The following GRIA2 variants were observed in gnomAD, a reference collection of about 807,000 sequenced individuals.
The protein encoded by GRIA2 is glutamate ionotropic receptor AMPA type subunit 2, also known as glutamate receptor 2.
A neutral mutation model predicts 97.3 loss-of-function variants in GRIA2; 14 were observed. The observed-to-expected ratio is 0.14, with a 90% CI of 0.10 to 0.23. GRIA2 has a LOEUF of 0.23. Ranked by LOEUF, GRIA2 falls within the 10% of genes least tolerant of loss-of-function variation. GRIA2 has a pLI of 1.00. For missense variants in GRIA2, 558 were observed against 1,069.8 expected (o/e 0.52, Z 6.67); for synonymous variants, 412 against 387.8 (o/e 1.06, Z -0.73).
chr4:157,288,200 G>T (rs370982875), intron 2 of GRIA2, among the ~76,000 whole-genome samples: 45 of 151,680 alleles, frequency 3.0e-4, no homozygotes, highest in African/African-American at 9.4e-4. Flanking sequence ...AATGGTGCAA[G>T]GAGTCACCAA....
intron 2 of GRIA2, among the ~76,000 whole-genome samples, chr4:157,285,787 A>T (rs759012087): frequency 6.6e-6 from 1 of 151,508 alleles, no homozygotes; most frequent in Admixed American, 6.6e-5. Flanking sequence ...TAAAAGTTCA[A>T]TTCATTATTT....
chr4:157,243,121 G>A (rs1336076035), intron 2 of GRIA2, among the ~76,000 whole-genome samples: 1 of 152,096 alleles, frequency 6.6e-6, no homozygotes, highest in East Asian at 1.9e-4. Context: ...AGCTGGAGAT[G>A]TGAGCTGGGT....
chr4:157,292,268 A>G (rs1234860547), intron 2 of GRIA2, among the ~76,000 whole-genome samples: 1 of 152,118 alleles, frequency 6.6e-6, no homozygotes, highest in Admixed American at 6.6e-5. Context: ...GCAACGTAGC[A>G]TAAGATAAAT....
intron 12 of GRIA2, among the ~76,000 whole-genome samples, chr4:157,349,381 T>G (rs1008696748): frequency 2.7e-5 from 4 of 150,698 alleles, no homozygotes; most frequent in African/African-American, 7.3e-5. Flanking sequence ...TTCAGTGCTG[T>G]TTTTTTTTCA....
Position 157,293,459 on chromosome 4 carries a change from CT to C in GRIA2, c.230-10091del, listed in dbSNP as rs2126841232. ...CACAAGATAATTGTTCTGTGGTGTC[CT>C]TAATCAAAAACATAACAAAACCAGA... On this transcript the variant is annotated intron_variant, in intron 2 of 15. Transcript: ENST00000264426. 1.3e-5 allele frequency among the ~76,000 whole-genome samples: 2 copies of C among 152,194 alleles called. 1 individual carries two copies. Among genetic ancestry groups the C allele is most frequent in the South Asian group, 4.2e-4 (2 of 4,812 alleles).
chr4:157,288,919 C>T (rs947185877), intron 2 of GRIA2, among the ~76,000 whole-genome samples: 10 of 151,808 alleles, frequency 6.6e-5, no homozygotes, highest in South Asian at 4.2e-4. Context: ...AAACATTGAG[C>T]GGAAACAGAA....
chr4:157,248,519 A>G (rs549514987), intron 2 of GRIA2, among the ~76,000 whole-genome samples: 70 of 135,832 alleles, frequency 5.2e-4, no homozygotes, highest in Middle Eastern at 4.0e-3. Context: ...GTGAGCCTAT[A>G]TATATATGTG....
At chr4:157,235,686 T>C (rs1029816694) in intron 2 of GRIA2, among the ~76,000 whole-genome samples, 2 of 152,086 alleles carry the variant, frequency 1.3e-5, no homozygotes, top group South Asian at 4.1e-4. Context: ...TTAAAAAGTT[T>C]CAATTTTTCG....
chr4:157,336,613 C>T lies in GRIA2; in HGVS notation c.1710C>T (p.Tyr570=), dbSNP rs538981621. The T allele has an allele frequency of 1.5e-5, 25 of 1,613,384 alleles. No homozygotes were observed. Among genetic ancestry groups the T allele is most frequent in the East Asian group, 4.5e-5 (2 of 44,836 alleles). The change falls in exon 11 of 16, where the codon TAC becomes TAT. Residue 570 remains tyrosine, a synonymous_variant. Coordinates refer to ENST00000264426, the MANE Select transcript of GRIA2 (RefSeq NM_001083619.3). ...VLFLVSRFSP[Y]EWHTEEFEDG... The stretch of plus-strand genomic sequence containing the variant: ...TCCTGGTCAGCAGATTTAGCCCCTA[C>T]GAGTGGCACACTGAGGAGTTTGAAG...
chr4:157,352,433 G>A (rs1736048995), intron 12 of GRIA2, among the ~76,000 whole-genome samples: 1 of 151,984 alleles, frequency 6.6e-6, no homozygotes, highest in African/African-American at 2.4e-5. Flanking sequence ...AATACTTATA[G>A]TTGACCAGGC....
At chr4:157,320,361 T>A (rs914606427) in intron 5 of GRIA2, among the ~76,000 whole-genome samples, 14 of 152,010 alleles carry the variant, frequency 9.2e-5, no homozygotes, top group African/African-American at 3.4e-4. Flanking sequence ...AATTGATAAA[T>A]TAAGAAAGAG....
rs559217649 is a variant in GRIA2 at position 157,237,130 on chromosome 4, T to C, written c.229+15323T>C. The stretch of plus-strand genomic sequence containing the variant: ...AACTGCCTGTGCTTTAATACCATCA[T>C]ATTTTGGTATTATGTTTCCAGATAA... On this transcript the variant is annotated intron_variant, in intron 2 of 15. Transcript: ENST00000264426. Among the ~76,000 whole-genome samples, 35 of 152,204 alleles carry C rather than the reference T, an allele frequency of 2.3e-4. 1 individual carries two copies. The highest frequency in any genetic ancestry group is 3.4e-3 in the Middle Eastern group (1 of 294).
chr4:157,232,716 C>T (rs1236073204), intron 2 of GRIA2, among the ~76,000 whole-genome samples: 1 of 152,084 alleles, frequency 6.6e-6, no homozygotes, highest in Non-Finnish European at 1.5e-5. Flanking sequence ...CACACAAGTT[C>T]AGGGTTGTCA....
At chr4:157,277,900 ATG>A (rs1491245919) in intron 2 of GRIA2, among the ~76,000 whole-genome samples, 48 of 140,638 alleles carry the variant, frequency 3.4e-4, no homozygotes, top group South Asian at 4.3e-4. Context: ...GTATATATAT[ATG>A]TATATATGTA....
chr4:157,227,067 A>C (rs939052842), intron 2 of GRIA2, among the ~76,000 whole-genome samples: 4 of 152,182 alleles, frequency 2.6e-5, no homozygotes, highest in Admixed American at 2.0e-4. Flanking sequence ...GAAATATTCT[A>C]TTTTGAGATG....
At chr4:157,314,490 T>C (rs1734223550) in intron 4 of GRIA2, among the ~76,000 whole-genome samples, 1 of 152,160 alleles carries the variant, frequency 6.6e-6, no homozygotes, top group African/African-American at 2.4e-5. Flanking sequence ...GAAGTTAAGA[T>C]TGTTTTTAAC....
At chr4:157,329,762 A>T (rs772184953) in intron 6 of GRIA2, among the ~76,000 whole-genome samples, 2 of 151,970 alleles carry the variant, frequency 1.3e-5, no homozygotes, top group Non-Finnish European at 2.9e-5. Flanking sequence ...CCTACTATAC[A>T]TTTATTTGAT....
chr4:157,305,604 T>TTCTTTCACTTTCTCAGATGCACCAAAC (rs1166094851), intron 3 of GRIA2, among the ~76,000 whole-genome samples: 1 of 152,126 alleles, frequency 6.6e-6, no homozygotes. Flanking sequence ...CCATTTGACC[T>TTCTTTCACTTTCTCAGATGCACCAAAC]TCTTTCACTT....
rs566986693 is a variant in GRIA2, at chr4:157,361,210, C to T, written c.2406+86C>T. On this transcript the variant is annotated intron_variant, in intron 14 of 15. Coordinates refer to ENST00000264426, the MANE Select transcript of GRIA2 (RefSeq NM_001083619.3). This position sits in a 1 kb window ranked among gnomAD's most constrained non-coding sequence, Gnocchi z 5.2. ...TGCACAGTGTGGGCACTCCGTGCCA[C>T]CAAGTTTCCAACGCTAAGCTGAAGA... The T allele has an allele frequency of 2.8e-5, 28 of 991,800 alleles. No individual in the cohort carries two copies. The African/African-American group carries it at 4.2e-4, about 15-fold the overall frequency. The allele number at this position is 991,800 out of a possible 1,614,324, so 61.4% of individuals were successfully genotyped here. A position where few individuals can be genotyped will look rare whatever the true frequency, so the allele number is the denominator to read the frequency against.
Sources: gnomAD v4.1 joint callset for allele counts (sites outside exome capture counted in the v4.1 genomes callset) on GRCh38, gnomAD v4.1.1 for gene constraint, Gnocchi (gnomAD v3.1) non-coding constraint, MANE v1.5 for transcripts, NCBI Gene and HGNC (gene_info 2026-07-23, HGNC 2026-07-21) for gene names.